The following WWP2 variants were observed in gnomAD, a reference collection of about 807,000 sequenced individuals.
WWP2 encodes the protein NEDD4-like E3 ubiquitin-protein ligase WWP2.
WWP2 carries 57 observed loss-of-function variants against 121.0 expected under a neutral mutation model. The observed-to-expected ratio is 0.47, with a 90% CI of 0.38 to 0.59. The LOEUF (loss-of-function observed/expected upper bound fraction) is 0.59. Ranked by LOEUF, WWP2 falls within the 20% of genes least tolerant of loss-of-function variation. The pLI is 0.00. For missense variants in WWP2, 962 were observed against 1,158.9 expected (o/e 0.83, Z 2.47); for synonymous variants, 449 against 441.3 (o/e 1.02, Z -0.22).
rs570482354 is a variant in WWP2 at position 69,770,690 on chromosome 16, C to G, written c.-16+8299C>G. ...TGCAATTGATGTCGCAAGTCAGGGG[C>G]AGTCTTGGGGAACTAAACCTGTGGG... On this transcript the variant is annotated intron_variant, in intron 1 of 23. Coordinates refer to ENST00000359154, the MANE Select transcript of WWP2 (RefSeq NM_001270454.2). Among the ~76,000 whole-genome samples the G allele has an allele frequency of 3.3e-5, 5 of 152,208 alleles. No individual in the cohort carries two copies. The South Asian group carries it at 1.0e-3, about 32-fold the overall frequency.
chr16:69,767,995 G>A (rs1411812279), intron 1 of WWP2, among the ~76,000 whole-genome samples: 1 of 152,036 alleles, frequency 6.6e-6, no homozygotes. Flanking sequence ...GTGCCACCAT[G>A]CCTAGCTAAT....
chr16:69,928,086 G>C (rs2058664960), intron 11 of WWP2, among the ~76,000 whole-genome samples: 1 of 152,212 alleles, frequency 6.6e-6, no homozygotes, highest in African/African-American at 2.4e-5. Context: ...GTGGGAGGGA[G>C]ACTGAGGCCT....
chr16:69,769,439 T>C (rs1194626907), intron 1 of WWP2, among the ~76,000 whole-genome samples: 1 of 152,118 alleles, frequency 6.6e-6, no homozygotes, highest in African/African-American at 2.4e-5. Context: ...ATGGATTATA[T>C]TGAAAAAAAT....
chr16:69,930,408 AG>A (rs2058695310), intron 13 of WWP2, 150 bp downstream of exon 13: 1 of 1,270,708 alleles, frequency 7.9e-7, no homozygotes. Context: ...GTCATATTAA[AG>A]GGGATGGGAG....
At chr16:69,818,137 GTGATTTC>G (rs2056529973) in intron 4 of WWP2, among the ~76,000 whole-genome samples, 1 of 151,590 alleles carries the variant, frequency 6.6e-6, no homozygotes, top group African/African-American at 2.4e-5. Context: ...GTTAGGCAAA[GTGATTTC>G]TCTTTGTTAT....
chr16:69,826,608 G>C (rs1312901089), intron 4 of WWP2, among the ~76,000 whole-genome samples: 2 of 129,354 alleles, frequency 1.5e-5, no homozygotes, highest in East Asian at 4.8e-4. Context: ...AGCCGGGCAC[G>C]GTGGCTAAGG....
At chr16:69,930,315 G>T in intron 13 of WWP2, 57 bp downstream of exon 13, 1 of 1,597,124 alleles carries the variant, frequency 6.3e-7, no homozygotes, top group Non-Finnish European at 8.5e-7. Context: ...GGCTGTCCTT[G>T]TTCTGGCTCT....
intron 6 of WWP2, among the ~76,000 whole-genome samples, chr16:69,847,702 C>T (rs2057110709): frequency 6.6e-6 from 1 of 152,132 alleles, no homozygotes. Flanking sequence ...GCCACCGCGC[C>T]TGGCCAGGCT....
intron 5 of WWP2, among the ~76,000 whole-genome samples, chr16:69,841,718 T>C (rs1373156534): frequency 1.3e-5 from 2 of 152,198 alleles, no homozygotes; most frequent in Non-Finnish European, 2.9e-5. Context: ...ATCTCACGTT[T>C]TTGAGGCTCA....
At chr16:69,886,126 A>C (rs946040099) in intron 7 of WWP2, among the ~76,000 whole-genome samples, 115 of 152,304 alleles carry the variant, frequency 7.6e-4, no homozygotes, top group African/African-American at 2.6e-3. Flanking sequence ...CCTGTCACCT[A>C]GGCTGGGTTG....
chr16:69,800,184 C>T (rs1396164381), intron 4 of WWP2, among the ~76,000 whole-genome samples: 1 of 152,082 alleles, frequency 6.6e-6, no homozygotes, highest in African/African-American at 2.4e-5. Flanking sequence ...CTTTTCTTTT[C>T]GGCTGGGCAC....
At chr16:69,837,637 C>T (rs2056899907) in intron 4 of WWP2, among the ~76,000 whole-genome samples, 2 of 152,086 alleles carry the variant, frequency 1.3e-5, no homozygotes, top group Admixed American at 1.3e-4. Context: ...ATTATCAGTC[C>T]TCCAGGAAGG....
intron 13 of WWP2, 57 bp downstream of exon 13, chr16:69,930,315 G>A: frequency 6.3e-7 from 1 of 1,597,124 alleles, no homozygotes; most frequent in Non-Finnish European, 8.5e-7. Flanking sequence ...GGCTGTCCTT[G>A]TTCTGGCTCT....
At chr16:69,774,972 A>G (rs1018028093) in intron 1 of WWP2, 1 of 152,530 alleles carries the variant, frequency 6.6e-6, no homozygotes, top group Non-Finnish European at 1.5e-5. Context: ...GTCTCAAAAA[A>G]AAAAAAAAAA....
chr16:69,808,697 C>T (rs1235937139), intron 4 of WWP2, among the ~76,000 whole-genome samples: 6 of 152,232 alleles, frequency 3.9e-5, no homozygotes, highest in Admixed American at 2.0e-4. Flanking sequence ...CCACTGCGCC[C>T]GGCCATGGCC....
intron 9 of WWP2, among the ~76,000 whole-genome samples, chr16:69,913,489 A>G (rs1369431312): frequency 6.6e-6 from 1 of 151,704 alleles, no homozygotes; most frequent in Non-Finnish European, 1.5e-5. Flanking sequence ...GTGACAGAGC[A>G]AGACCCTGTC....
In WWP2 at chr16:69,847,329, C is replaced by T. The variant is rs575230332; in HGVS notation, c.575+5209C>T. ...CAAACTCCTGACTTCAGGCGATCCACGCACCTTGGCCTCCCAAAGTGCTGG... is the reference window on the plus strand; with the variant it reads ...CAAACTCCTGACTTCAGGCGATCCATGCACCTTGGCCTCCCAAAGTGCTGG... On this transcript the variant is annotated intron_variant, in intron 6 of 23. Transcript: ENST00000359154. Among the ~76,000 whole-genome samples, 26 of 152,084 alleles carry T rather than the reference C, an allele frequency of 1.7e-4. No homozygotes were observed. In the South Asian group the frequency reaches 4.8e-3, roughly 28 times the overall value.
At chr16:69,777,324 G>A (rs536283117) in intron 1 of WWP2, among the ~76,000 whole-genome samples, 5 of 150,064 alleles carry the variant, frequency 3.3e-5, no homozygotes, top group South Asian at 2.1e-4. Flanking sequence ...TTTTTGAAAC[G>A]GAGTCTCATT....
intron 1 of WWP2, among the ~76,000 whole-genome samples, chr16:69,767,664 G>A (rs2038761158): frequency 6.6e-6 from 1 of 152,174 alleles, no homozygotes; most frequent in African/African-American, 2.4e-5. Context: ...GTTTTACAGG[G>A]TTGTGCTGGA....
Sources: allele counts gnomAD v4.1 joint callset (sites outside exome capture counted in the v4.1 genomes callset), GRCh38; gene constraint gnomAD v4.1.1; transcripts MANE v1.5; gene names NCBI Gene and HGNC (gene_info 2026-07-23, HGNC 2026-07-21).